The following ENKUR variants were observed in gnomAD, a reference collection of about 807,000 sequenced individuals.
The protein encoded by ENKUR is enkurin.
A neutral mutation model predicts 27.6 loss-of-function variants in ENKUR; 19 were observed. The observed-to-expected ratio is 0.69, with a 90% CI of 0.48 to 1.01. The LOEUF is 1.01. Ranked by LOEUF, ENKUR falls within the 50% of genes least tolerant of loss-of-function variation. ENKUR has a pLI of 0.00. For missense variants in ENKUR, 312 were observed against 310.5 expected, an observed-to-expected ratio of 1.00 and a Z score of -0.04; for synonymous variants, 117 against 96.9, an observed-to-expected ratio of 1.21 and a Z score of -1.22.
chr10:25,054,143 G>A (rs1401824784), intron 2 of ENKUR, among the ~76,000 whole-genome samples: 4 of 152,212 alleles, frequency 2.6e-5, no homozygotes, highest in Non-Finnish European at 5.9e-5. Flanking sequence ...GGTGCTGGCC[G>A]GGCATGGTGG....
chr10:25,025,000 C>T (rs758361501), intron 2 of ENKUR: 8 of 1,614,132 alleles, frequency 5.0e-6, no homozygotes, highest in Admixed American at 3.3e-5. Flanking sequence ...ATTATTTAAT[C>T]GATTAGAAAG....
At chr10:25,021,336 A>G (rs1353300295) in intron 2 of ENKUR, among the ~76,000 whole-genome samples, 1 of 152,218 alleles carries the variant, frequency 6.6e-6, no homozygotes, top group Non-Finnish European at 1.5e-5. Flanking sequence ...ACATATGAAT[A>G]TATAGTGATT....
intron 2 of ENKUR, among the ~76,000 whole-genome samples, chr10:25,030,850 G>A (rs965399982): frequency 1.3e-5 from 2 of 152,182 alleles, no homozygotes; most frequent in Non-Finnish European, 2.9e-5. Context: ...CAGGTGAGGT[G>A]ACTCATGCCT....
intron 1 of ENKUR, among the ~76,000 whole-genome samples, chr10:25,005,451 T>A (rs541457937): frequency 6.0e-4 from 91 of 152,138 alleles, no homozygotes; most frequent in African/African-American, 2.1e-3. Context: ...AGTTTGAAAG[T>A]GCTTAATTGA....
chr10:25,024,939 A>T (rs377391207), intron 2 of ENKUR: 1 of 1,614,062 alleles, frequency 6.2e-7, no homozygotes, highest in Admixed American at 1.7e-5. Context: ...CTTCAAACCT[A>T]GAACGACATT....
In ENKUR at chr10:25,024,389, G is replaced by A. The variant is rs142292961; in HGVS notation, c.38-28520C>T. ...GACACAGGGAGTGCAGTCTTAAATG[G>A]TTTTAGTCGTCTAAATAAGAATGAT... is the stretch of plus-strand genomic sequence containing the variant. On this transcript the variant is annotated intron_variant, in intron 2 of 5. Coordinates refer to the ENKUR transcript ENST00000615958. 29 of 1,613,842 alleles carry A rather than the reference G, an allele frequency of 1.8e-5. No individual in the cohort carries two copies. The African/African-American group carries it at 3.5e-4, about 19-fold the overall frequency.
chr10:25,039,449 G>A (rs1055882518), intron 2 of ENKUR, among the ~76,000 whole-genome samples: 1 of 152,122 alleles, frequency 6.6e-6, no homozygotes, highest in East Asian at 1.9e-4. Context: ...GTGTGGTGGT[G>A]CATGCCTGTA....
intron 2 of ENKUR, among the ~76,000 whole-genome samples, chr10:25,030,605 T>C (rs1293666104): frequency 1.3e-5 from 2 of 152,346 alleles, no homozygotes; most frequent in East Asian, 3.9e-4. Flanking sequence ...CAGTATTTAT[T>C]GGTACAAGTC....
chr10:25,006,850 T>G (rs920781790), intron 1 of ENKUR, among the ~76,000 whole-genome samples: 1 of 152,212 alleles, frequency 6.6e-6, no homozygotes, highest in Non-Finnish European at 1.5e-5. Context: ...CAGCCCTTGT[T>G]TTTCCTCATT....
chr10:25,032,346 A>G (rs893372580), intron 2 of ENKUR, among the ~76,000 whole-genome samples: 3 of 151,910 alleles, frequency 2.0e-5, no homozygotes, highest in Non-Finnish European at 4.4e-5. Flanking sequence ...ACCATTCAAC[A>G]TGTAGATTTT....
intron 4 of ENKUR, among the ~76,000 whole-genome samples, chr10:24,989,798 GC>G (rs1259315881): frequency 6.6e-6 from 1 of 152,102 alleles, no homozygotes; most frequent in Non-Finnish European, 1.5e-5. Flanking sequence ...TATTATTTCT[GC>G]CTCTATAAGA....
In ENKUR at chr10:25,003,446, A is replaced by G. The variant is rs531628844; in HGVS notation, c.78-3900T>C. Among the ~76,000 whole-genome samples the G allele has an allele frequency of 2.1e-4, 32 of 152,306 alleles. No individual in the cohort carries two copies. The East Asian group carries it at 6.2e-3, about 29-fold the overall frequency. ...GGTCTGGAAATCCTGGCCTCAAGTG[A>G]TCCACCTGCCTTGGCCTTCCAAAGT... On this transcript the variant is annotated intron_variant, in intron 1 of 5. Coordinates refer to ENST00000331161, the MANE Select transcript of ENKUR (RefSeq NM_145010.4).
intron 2 of ENKUR, chr10:25,025,178 G>A (rs1564350960): frequency 2.5e-6 from 4 of 1,614,162 alleles, no homozygotes; most frequent in East Asian, 2.2e-5. Context: ...GTTGCAGATA[G>A]GGTGCAAGAC....
intron 2 of ENKUR, chr10:25,023,249 A>T (rs1042909893): frequency 1.2e-6 from 2 of 1,612,628 alleles, no homozygotes; most frequent in African/African-American, 2.7e-5. Context: ...CGATGTCATC[A>T]TCTGAAAAAG....
At position 25,024,053 on chromosome 10, in the gene ENKUR, G is replaced by A. The variant is rs1048534104; in HGVS notation, c.38-28184C>T. Reference sequence around the variant, plus strand: ...GCAAAGGAGTTTCCAAAATTAAGCTGCGGGGAGTGGAAAAGCCTAGTAGGA... The same window carrying A: ...GCAAAGGAGTTTCCAAAATTAAGCTACGGGGAGTGGAAAAGCCTAGTAGGA... On this transcript the variant is annotated intron_variant, in intron 2 of 5. Coordinates refer to the ENKUR transcript ENST00000615958. The A allele has an allele frequency of 3.7e-6, 6 of 1,614,212 alleles. No individual in the cohort carries two copies. The Admixed American group carries it at 5.0e-5, about 13-fold the overall frequency.
At chr10:25,055,066 G>A (rs1851237664) in intron 2 of ENKUR, among the ~76,000 whole-genome samples, 1 of 152,098 alleles carries the variant, frequency 6.6e-6, no homozygotes, top group Non-Finnish European at 1.5e-5. Context: ...AAGTGAAGGA[G>A]CCAGAACTCA....
intron 4 of ENKUR, among the ~76,000 whole-genome samples, chr10:24,986,895 C>A (rs892545278): frequency 3.9e-5 from 6 of 152,082 alleles, no homozygotes; most frequent in South Asian, 4.1e-4. Flanking sequence ...CTTAATTTTC[C>A]TCTCTTCTAT....
At chr10:25,024,060 G>A (rs751540645) in intron 2 of ENKUR, 3 of 1,614,190 alleles carry the variant, frequency 1.9e-6, no homozygotes, top group Non-Finnish European at 2.5e-6. Flanking sequence ...GCTGCGGGGA[G>A]TGGAAAAGCC....
intron 2 of ENKUR, among the ~76,000 whole-genome samples, chr10:25,059,727 G>A (rs111360090): frequency 1.7e-3 from 257 of 152,192 alleles, no homozygotes; most frequent in African/African-American, 5.3e-3. Context: ...AGGCCAAGGT[G>A]AGAAAATTGC....
Sources: gnomAD v4.1 joint callset for allele counts (sites outside exome capture counted in the v4.1 genomes callset) on GRCh38, gnomAD v4.1.1 for gene constraint, MANE v1.5 for transcripts, NCBI Gene and HGNC (gene_info 2026-07-23, HGNC 2026-07-21) for gene names.